Variants in MAP2K5 observed in about 807,000 individuals in gnomAD.
MAP2K5 encodes the protein mitogen-activated protein kinase kinase 5.
Under a neutral mutation model 83.1 loss-of-function variants are expected in MAP2K5, and 49 were observed. That is an observed-to-expected ratio of 0.59 (90% CI 0.47 to 0.75). The LOEUF (loss-of-function observed/expected upper bound fraction) is 0.75, where lower values mean the gene tolerates loss of function less well. MAP2K5 is among the 30% of genes least tolerant of loss of function. The pLI is 0.00. For synonymous variants in MAP2K5, 202 were observed against 191.8 expected (o/e 1.05, Z -0.44); for missense variants, 457 against 557.5 (o/e 0.82, Z 1.82).
In MAP2K5 at chr15:67,572,179, A is replaced by G. The variant is rs913977250; in HGVS notation, c.253-8575A>G. 6.6e-6 allele frequency among the ~76,000 whole-genome samples: 1 copy of G among 152,170 alleles called. No homozygotes were observed. The highest frequency in any genetic ancestry group is 2.4e-5 in the African/African-American group (1 of 41,434). ...GAAGGATGTTTGGGGCAGAAAGAAC[A>G]GTGTGTTTAAAGAATGCCTGGTGAG... On this transcript the variant is annotated intron_variant, in intron 3 of 21. Transcript: ENST00000178640. The surrounding 1 kb of genome is among the most constrained non-coding windows in gnomAD (Gnocchi z 4.2).
At chr15:67,617,080 TACATG>T (rs1295382556) in intron 8 of MAP2K5, among the ~76,000 whole-genome samples, 1 of 152,228 alleles carries the variant, frequency 6.6e-6, no homozygotes, top group Non-Finnish European at 1.5e-5. Context: ...AAAGTCATTA[TACATG>T]CAATTACGCT....
intron 11 of MAP2K5, among the ~76,000 whole-genome samples, chr15:67,654,344 A>G (rs1338034943): frequency 6.6e-6 from 1 of 152,184 alleles, no homozygotes; most frequent in Non-Finnish European, 1.5e-5. Flanking sequence ...CCACTAGTAT[A>G]GTCACTGCAG....
At chr15:67,615,467 TG>T (rs2086035693) in intron 8 of MAP2K5, among the ~76,000 whole-genome samples, 2 of 152,192 alleles carry the variant, frequency 1.3e-5, no homozygotes, top group African/African-American at 4.8e-5. Context: ...AGCTAGAGCC[TG>T]GCTAATGTGT....
chr15:67,594,149 A>G lies in MAP2K5; in HGVS notation c.480+1175A>G, dbSNP rs137988544. ...GTCCTTAAATATCCTATATACAGCTAAGGAGAATCTAGTGTGGTGTATGTA... is the reference window on the plus strand; with the variant it reads ...GTCCTTAAATATCCTATATACAGCTGAGGAGAATCTAGTGTGGTGTATGTA... On this transcript the variant is annotated intron_variant, in intron 7 of 21. Coordinates refer to ENST00000178640, the MANE Select transcript of MAP2K5 (RefSeq NM_145160.3). 3.3e-5 allele frequency among the ~76,000 whole-genome samples: 5 copies of G among 152,258 alleles called. No individual in the cohort carries two copies. The East Asian group carries it at 9.6e-4, about 29-fold the overall frequency.
In MAP2K5 at chr15:67,624,592, TGTGTGTGTGTGTGTGTG is replaced by T. The variant is rs2086268491; in HGVS notation, c.546-6295_546-6279del. 0.01 allele frequency among the ~76,000 whole-genome samples: 3 copies of T among 296 alleles called. No homozygotes were observed. In the South Asian group the frequency reaches 0.17, roughly 16 times the overall value. The allele number at this position is 296 out of a possible 152,430, so 0.2% of individuals were successfully genotyped here. On this transcript the variant is annotated intron_variant, in intron 8 of 21. Transcript: ENST00000178640. Reference sequence around the variant, plus strand: ...AAAATTAAACATCACGATCTCTTTGTGTGTGTGTGTGTGTGTGTGTGTGTGTGTGTGTGTGTGTGTGT... The same window carrying T: ...AAAATTAAACATCACGATCTCTTTGTTGTGTGTGTGTGTGTGTGTGTGTGT...
chr15:67,703,521 G>A, intron 16 of MAP2K5, 113 bp downstream of exon 16: 1 of 790,876 alleles, frequency 1.3e-6, no homozygotes, highest in Admixed American at 2.4e-5. Flanking sequence ...ATGTTATATA[G>A]ATGTATACAG....
Position 67,722,163 on chromosome 15 carries a change from T to C in MAP2K5, c.1045-5753T>C, listed in dbSNP as rs1345975760. ...ATGAACAAATATGTCACTTCATCAG[T>C]CTCTGTTACTCGCACTTATGCCCCT... On this transcript the variant is annotated intron_variant, in intron 16 of 21. Coordinates refer to ENST00000178640, the MANE Select transcript of MAP2K5 (RefSeq NM_145160.3). The surrounding 1 kb of genome is among the most constrained non-coding windows in gnomAD (Gnocchi z 4.2). Among the ~76,000 whole-genome samples, 2 of 152,144 alleles carry C rather than the reference T, an allele frequency of 1.3e-5. No individual in the cohort carries two copies. Among genetic ancestry groups the C allele is most frequent in the Admixed American group, 6.5e-5 (1 of 15,274 alleles).
rs2084526377 is a variant in MAP2K5 at position 67,552,292 on chromosome 15, T to C, written c.184+2210T>C. ...AGTGTTGCAAGCTTTATTCAGACTC[T>C]TTGCAGTAACTCCTTGCAGGTTCCA... On this transcript the variant is annotated intron_variant, in intron 2 of 21. Transcript: ENST00000178640. This position sits in a 1 kb window ranked among gnomAD's most constrained non-coding sequence, Gnocchi z 4.2. Among the ~76,000 whole-genome samples the C allele has an allele frequency of 6.6e-6, 1 of 152,234 alleles. No homozygotes were observed. The highest frequency in any genetic ancestry group is 2.4e-5 in the African/African-American group (1 of 41,470).
At chr15:67,688,859 A>G (rs1246669969) in intron 13 of MAP2K5, among the ~76,000 whole-genome samples, 1 of 152,200 alleles carries the variant, frequency 6.6e-6, no homozygotes, top group Non-Finnish European at 1.5e-5. Context: ...GCCCAGATTC[A>G]TTGACTTTGT....
chr15:67,564,042 C>T (rs1287716967), intron 3 of MAP2K5, among the ~76,000 whole-genome samples: 1 of 152,136 alleles, frequency 6.6e-6, no homozygotes. Flanking sequence ...TTGATTTGTG[C>T]CTTCCTCTCA....
At chr15:67,557,121 A>G (rs1243581845) in intron 2 of MAP2K5, among the ~76,000 whole-genome samples, 1 of 152,206 alleles carries the variant, frequency 6.6e-6, no homozygotes, top group Non-Finnish European at 1.5e-5. Flanking sequence ...TCACAGTTTC[A>G]TTAGCAGATT....
chr15:67,701,120 G>A (rs901160780), intron 15 of MAP2K5, among the ~76,000 whole-genome samples: 2 of 151,912 alleles, frequency 1.3e-5, no homozygotes, highest in African/African-American at 4.8e-5. Flanking sequence ...CTTGGTACCT[G>A]TTAATCAGTA....
chr15:67,687,148 T>G (rs1175033151), intron 13 of MAP2K5, among the ~76,000 whole-genome samples: 1 of 152,182 alleles, frequency 6.6e-6, no homozygotes, highest in Non-Finnish European at 1.5e-5. Flanking sequence ...TAAAGTGAAA[T>G]GAGAAGAAAT....
intron 21 of MAP2K5, among the ~76,000 whole-genome samples, chr15:67,788,700 G>A (rs762836970): frequency 6.6e-6 from 1 of 152,118 alleles, no homozygotes; most frequent in Non-Finnish European, 1.5e-5. Flanking sequence ...AATTTGGCCA[G>A]ACATGGTGGA....
chr15:67,768,390 T>C lies in MAP2K5; in HGVS notation c.1135-1212T>C, dbSNP rs2090081507. On this transcript the variant is annotated intron_variant, in intron 19 of 21. Coordinates refer to ENST00000178640, the MANE Select transcript of MAP2K5 (RefSeq NM_145160.3). This position sits in a 1 kb window ranked among gnomAD's most constrained non-coding sequence, Gnocchi z 4.0. ...AGCTATTTCCTCTCGTTCTCAATAA[T>C]GAATACATGCATGCATTTGACACAG... is the stretch of plus-strand genomic sequence containing the variant. Among the ~76,000 whole-genome samples, 1 of 152,214 alleles carries C rather than the reference T, an allele frequency of 6.6e-6. No individual in the cohort carries two copies.
intron 16 of MAP2K5, among the ~76,000 whole-genome samples, chr15:67,718,839 A>G (rs943722061): frequency 2.6e-5 from 4 of 152,198 alleles, no homozygotes; most frequent in African/African-American, 9.7e-5. Flanking sequence ...ACAGGCATAC[A>G]ATGTGTAATA....
chr15:67,727,815 T>C, intron 16 of MAP2K5, 101 bp from the exon 17 acceptor site: 1 of 852,558 alleles, frequency 1.2e-6, no homozygotes, highest in South Asian at 1.3e-5. Flanking sequence ...AACTTTTTTA[T>C]ATTTGCTGGA....
intron 8 of MAP2K5, among the ~76,000 whole-genome samples, chr15:67,615,245 G>A (rs765731897): frequency 2.6e-5 from 4 of 152,082 alleles, no homozygotes; most frequent in African/African-American, 7.2e-5. Context: ...TAATCTGCCC[G>A]CATCGGCCTC....
chr15:67,615,226 G>T (rs2086029183), intron 8 of MAP2K5, among the ~76,000 whole-genome samples: 1 of 152,102 alleles, frequency 6.6e-6, no homozygotes. Flanking sequence ...TCGAACTCCT[G>T]ACCTCAGGTA....
Sources: gnomAD v4.1 joint callset for allele counts (sites outside exome capture counted in the v4.1 genomes callset) on GRCh38, gnomAD v4.1.1 for gene constraint, Gnocchi (gnomAD v3.1) non-coding constraint, MANE v1.5 for transcripts, NCBI Gene and HGNC (gene_info 2026-07-23, HGNC 2026-07-21) for gene names.